The following PDE1A variants were observed in gnomAD, a reference collection of about 807,000 sequenced individuals.
PDE1A encodes the protein dual specificity calcium/calmodulin-dependent 3',5'-cyclic nucleotide phosphodiesterase 1A.
Under a neutral mutation model 61.7 loss-of-function variants are expected in PDE1A, and 35 were observed. That is an observed-to-expected ratio of 0.57 (90% CI 0.43 to 0.75). The LOEUF is 0.75. PDE1A is among the 30% of genes least tolerant of loss of function. PDE1A has a pLI of 0.00. For synonymous variants in PDE1A, 232 were observed against 213.2 expected, an observed-to-expected ratio of 1.09 and a Z score of -0.77; for missense variants, 597 against 630.6, an observed-to-expected ratio of 0.95 and a Z score of 0.57.
chr2:182,434,618 C>T (rs1024730834), intron 2 of PDE1A, among the ~76,000 whole-genome samples: 5 of 151,908 alleles, frequency 3.3e-5, no homozygotes, highest in East Asian at 1.9e-4. Context: ...CTTAAAAGTC[C>T]CCACCTCTAC....
At chr2:182,441,210 C>A (rs35764937) in intron 2 of PDE1A, among the ~76,000 whole-genome samples, 2,564 of 152,146 alleles carry the variant, frequency 0.017, 31 homozygotes, top group South Asian at 0.028. Flanking sequence ...TGAAACCACC[C>A]CCATGATTCA....
At chr2:182,308,511 T>A (rs1278597144) in intron 1 of PDE1A, among the ~76,000 whole-genome samples, 1 of 152,096 alleles carries the variant, frequency 6.6e-6, no homozygotes, top group Non-Finnish European at 1.5e-5. Context: ...AGTAAATCCA[T>A]ATGTGGATCA....
intron 1 of PDE1A, among the ~76,000 whole-genome samples, chr2:182,307,474 C>T (rs1574309477): frequency 6.6e-6 from 1 of 152,250 alleles, no homozygotes; most frequent in Non-Finnish European, 1.5e-5. Context: ...CCGATCCCAG[C>T]CTCTTGATTT....
the PDE1A span, among the ~76,000 whole-genome samples, chr2:182,530,931 A>G: frequency 6.6e-6 from 1 of 152,168 alleles, no homozygotes; most frequent in African/African-American, 2.4e-5. Context: ...CAATAATTAT[A>G]TCATCTGATA....
At chr2:182,682,411 C>T in the PDE1A span, among the ~76,000 whole-genome samples, 1 of 151,910 alleles carries the variant, frequency 6.6e-6, no homozygotes, top group Non-Finnish European at 1.5e-5. Flanking sequence ...CAACAGGAAG[C>T]AGGTAGTAGG....
At chr2:182,277,722 T>C (rs1693530167) in intron 1 of PDE1A, among the ~76,000 whole-genome samples, 1 of 152,152 alleles carries the variant, frequency 6.6e-6, no homozygotes, top group Non-Finnish European at 1.5e-5. Context: ...GAGAGACACC[T>C]GATTCTTAAG....
chr2:182,674,087 A>G, the PDE1A span, among the ~76,000 whole-genome samples: 1 of 151,296 alleles, frequency 6.6e-6, no homozygotes, highest in Non-Finnish European at 1.5e-5. Flanking sequence ...TTTATGGATG[A>G]TAAAGCTAAG....
At chr2:182,206,087 C>T (rs1313241691) in intron 7 of PDE1A, 22 bp from the exon 8 acceptor site, 1 of 1,591,654 alleles carries the variant, frequency 6.3e-7, no homozygotes, top group African/African-American at 1.3e-5. Context: ...AAACAAAATG[C>T]CCAACAGAGG....
At chr2:182,170,680 AGATAT>A (rs1692126140) in intron 13 of PDE1A, among the ~76,000 whole-genome samples, 1 of 152,062 alleles carries the variant, frequency 6.6e-6, no homozygotes, top group South Asian at 2.1e-4. Flanking sequence ...CCTTGGATTT[AGATAT>A]GATAATATCT....
intron 1 of PDE1A, among the ~76,000 whole-genome samples, chr2:182,351,646 T>C (rs1426676366): frequency 6.6e-6 from 1 of 152,190 alleles, no homozygotes; most frequent in East Asian, 1.9e-4. Flanking sequence ...AACTGAGGTG[T>C]TTCAAGTGTC....
chr2:182,180,495 T>C (rs1442442806), intron 13 of PDE1A, among the ~76,000 whole-genome samples: 3 of 152,156 alleles, frequency 2.0e-5, no homozygotes, highest in African/African-American at 7.2e-5. Flanking sequence ...GACCTGACCT[T>C]TTTCTCTGGC....
At chr2:182,182,464 G>A (rs1490194708) in intron 13 of PDE1A, among the ~76,000 whole-genome samples, 6 of 152,004 alleles carry the variant, frequency 3.9e-5, no homozygotes, top group Non-Finnish European at 8.8e-5. Context: ...TGTCTCCTGG[G>A]TTATGAACAA....
exon 5 of PDE1A, chr2:182,231,128 C>T (rs1186358768): frequency 6.6e-7 from 1 of 1,513,924 alleles, no homozygotes; most frequent in Non-Finnish European, 9.1e-7. Context: ...CATTTATCAA[C>T]ATCCTGTAGA....
At chr2:182,350,954 T>C (rs1209790782) in intron 1 of PDE1A, among the ~76,000 whole-genome samples, 1 of 152,230 alleles carries the variant, frequency 6.6e-6, no homozygotes, top group Non-Finnish European at 1.5e-5. Context: ...TTGTTACCAC[T>C]CTGTAACTTT....
intron 1 of PDE1A, among the ~76,000 whole-genome samples, chr2:182,368,262 A>T (rs1012319899): frequency 2.0e-5 from 3 of 152,088 alleles, no homozygotes; most frequent in African/African-American, 7.2e-5. Flanking sequence ...ATCATCAAAT[A>T]TGGAGTTCAT....
chr2:182,504,589 A>T (rs1179063916), intron 2 of PDE1A, among the ~76,000 whole-genome samples: 1 of 152,198 alleles, frequency 6.6e-6, no homozygotes, highest in Non-Finnish European at 1.5e-5. Context: ...TAAACTGGGT[A>T]TTATTTCGGT....
At chr2:182,264,312 G>T in exon 2 of PDE1A, 1 of 1,605,942 alleles carries the variant, frequency 6.2e-7, no homozygotes, top group East Asian at 2.2e-5. Flanking sequence ...TTGTTTCATC[G>T]ATATAAACTG....
chr2:182,603,498 C>T, the PDE1A span, among the ~76,000 whole-genome samples: 123 of 152,270 alleles, frequency 8.1e-4, 2 homozygotes, highest in African/African-American at 2.8e-3. Flanking sequence ...CAGGCACCTG[C>T]CACCACACCC....
At chr2:182,187,653 TAGTTTTAATGGATGCCTTCAAGTTAAATC>T (rs1685323677) in intron 11 of PDE1A, among the ~76,000 whole-genome samples, 1 of 152,066 alleles carries the variant, frequency 6.6e-6, no homozygotes, top group Non-Finnish European at 1.5e-5. Context: ...AAAACTTCAG[TAGTTTTAATGGATGCCTTCAAGTTAAATC>T]AGTGTTAATT....
Sources: gnomAD v4.1 joint callset for allele counts (sites outside exome capture counted in the v4.1 genomes callset) on GRCh38, gnomAD v4.1.1 for gene constraint, MANE v1.5 for transcripts, NCBI Gene and HGNC (gene_info 2026-07-23, HGNC 2026-07-21) for gene names.